STK32A: variants seen among roughly 807,000 people sequenced by gnomAD.
The protein encoded by STK32A is serine/threonine-protein kinase 32A.
STK32A carries 41 observed loss-of-function variants against 53.2 expected under a neutral mutation model. That is an observed-to-expected ratio of 0.77 (90% CI 0.60 to 1.00). The LOEUF (loss-of-function observed/expected upper bound fraction) is 1.00. Ranked by LOEUF, STK32A falls within the 50% of genes least tolerant of loss-of-function variation. STK32A has a pLI of 0.00. For synonymous variants in STK32A, 166 were observed against 162.8 expected, an observed-to-expected ratio of 1.02 and a Z score of -0.15; for missense variants, 458 against 485.8, an observed-to-expected ratio of 0.94 and a Z score of 0.54.
In STK32A at chr5:147,383,993, GTCT is replaced by G; in HGVS notation, c.*18_*20del. 1.9e-6 allele frequency: 3 copies of G among 1,597,476 alleles called. No homozygotes were observed. Among genetic ancestry groups the G allele is most frequent in the Non-Finnish European group, 2.6e-6 (3 of 1,174,972 alleles). ...GAATAACAACTTGTAAAGGCCTCAT[GTCT>G]TCTTCTTGGGACAATCTCATGCCAG... On this transcript the variant is annotated 3_prime_UTR_variant, in exon 13 of 13. Coordinates refer to ENST00000397936, the MANE Select transcript of STK32A (RefSeq NM_001112724.2).
chr5:147,260,506 G>A (rs1031249317), intron 2 of STK32A, among the ~76,000 whole-genome samples: 3 of 152,116 alleles, frequency 2.0e-5, no homozygotes, highest in South Asian at 4.2e-4. Context: ...TGAAATTAGC[G>A]GAAGTTTCAA....
chr5:147,343,902 GA>G (rs1449661493), intron 6 of STK32A, among the ~76,000 whole-genome samples: 1 of 152,212 alleles, frequency 6.6e-6, no homozygotes, highest in Non-Finnish European at 1.5e-5. Flanking sequence ...TCAAGATGGT[GA>G]TAAGTGAATG....
At chr5:147,369,843 C>G (rs1217958849) in intron 8 of STK32A, among the ~76,000 whole-genome samples, 1 of 151,986 alleles carries the variant, frequency 6.6e-6, no homozygotes, top group African/African-American at 2.4e-5. Context: ...GTCTCATGAA[C>G]AAGAATGATA....
chr5:147,269,047 C>T (rs1174807380), intron 2 of STK32A, among the ~76,000 whole-genome samples: 5 of 152,182 alleles, frequency 3.3e-5, no homozygotes, highest in Non-Finnish European at 5.9e-5. Context: ...GACTCTACCA[C>T]TCTGCCACTT....
At chr5:147,329,947 C>T (rs1428735395) in intron 5 of STK32A, among the ~76,000 whole-genome samples, 1 of 152,218 alleles carries the variant, frequency 6.6e-6, no homozygotes. Context: ...TCGTCTTCAG[C>T]AAATTCTCAA....
chr5:147,253,396 G>T (rs761731116), intron 2 of STK32A, among the ~76,000 whole-genome samples: 1 of 152,174 alleles, frequency 6.6e-6, no homozygotes, highest in Non-Finnish European at 1.5e-5. Flanking sequence ...TATTTAGGTA[G>T]GATTAATTTT....
chr5:147,349,834 G>C (rs537076207), intron 6 of STK32A, among the ~76,000 whole-genome samples: 1 of 152,154 alleles, frequency 6.6e-6, no homozygotes, highest in South Asian at 2.1e-4. Context: ...TTGACTGGCC[G>C]GGCGCAGTGG....
intron 7 of STK32A, among the ~76,000 whole-genome samples, chr5:147,354,125 G>T (rs1756114993): frequency 6.6e-6 from 1 of 151,970 alleles, no homozygotes; most frequent in Non-Finnish European, 1.5e-5. Flanking sequence ...TTGAACAACT[G>T]CAAATTTCAT....
intron 4 of STK32A, among the ~76,000 whole-genome samples, chr5:147,285,450 G>T (rs1257297275): frequency 1.3e-5 from 2 of 152,070 alleles, no homozygotes; most frequent in African/African-American, 2.4e-5. Context: ...AAGATAAATT[G>T]CTGGTACCTA....
intron 8 of STK32A, among the ~76,000 whole-genome samples, chr5:147,363,885 A>C (rs1051300243): frequency 6.6e-6 from 1 of 152,178 alleles, no homozygotes; most frequent in Non-Finnish European, 1.5e-5. Context: ...AAGCAGACAG[A>C]AGGAACCAAG....
At chr5:147,260,221 C>G (rs1321939454) in intron 2 of STK32A, among the ~76,000 whole-genome samples, 4 of 110,544 alleles carry the variant, frequency 3.6e-5, no homozygotes, top group Non-Finnish European at 7.8e-5. Flanking sequence ...TCCTCTCTCT[C>G]TCTCTCCTCT....
At chr5:147,348,313 G>C (rs1237324430) in intron 6 of STK32A, among the ~76,000 whole-genome samples, 7 of 152,218 alleles carry the variant, frequency 4.6e-5, no homozygotes, top group Admixed American at 2.0e-4. Context: ...GTACTCACCA[G>C]AGTTGAGATG....
chr5:147,238,129 A>G (rs568254066), intron 1 of STK32A, among the ~76,000 whole-genome samples: 4 of 152,356 alleles, frequency 2.6e-5, no homozygotes, highest in African/African-American at 9.6e-5. Context: ...TTCTTAAGCC[A>G]GATAGCTGAG....
intron 8 of STK32A, among the ~76,000 whole-genome samples, chr5:147,365,711 G>C (rs919435676): frequency 6.6e-6 from 1 of 152,110 alleles, no homozygotes; most frequent in African/African-American, 2.4e-5. Flanking sequence ...CTGGGGTTCA[G>C]AGCAATTGTG....
At chr5:147,338,662 G>C (rs988500748) in intron 5 of STK32A, among the ~76,000 whole-genome samples, 3 of 152,190 alleles carry the variant, frequency 2.0e-5, no homozygotes, top group Non-Finnish European at 4.4e-5. Context: ...GAATGAAAAA[G>C]TCCAGGCTGA....
chr5:147,282,965 C>T (rs1752133755), intron 4 of STK32A, among the ~76,000 whole-genome samples: 2 of 152,124 alleles, frequency 1.3e-5, no homozygotes, highest in South Asian at 2.1e-4. Context: ...ATATACAGAA[C>T]ATTTCATCCA....
intron 8 of STK32A, among the ~76,000 whole-genome samples, chr5:147,368,533 C>T (rs1393153028): frequency 6.6e-6 from 1 of 152,024 alleles, no homozygotes; most frequent in Non-Finnish European, 1.5e-5. Flanking sequence ...ACATAGAAAC[C>T]ATATGTGTCT....
chr5:147,271,745 T>G (rs555064729), intron 2 of STK32A, among the ~76,000 whole-genome samples: 2 of 152,144 alleles, frequency 1.3e-5, no homozygotes, highest in Non-Finnish European at 1.5e-5. Flanking sequence ...CTTATTAGGA[T>G]GAGGAAATTC....
At chr5:147,398,684 C>T in the STK32A span, among the ~76,000 whole-genome samples, 18,391 of 152,200 alleles carry the variant, frequency 0.12, 1,304 homozygotes, top group Non-Finnish European at 0.15. Flanking sequence ...GATCATTGCA[C>T]GCCCTGACTT....
Sources: gnomAD v4.1 joint callset for allele counts (sites outside exome capture counted in the v4.1 genomes callset) on GRCh38, gnomAD v4.1.1 for gene constraint, MANE v1.5 for transcripts, NCBI Gene and HGNC (gene_info 2026-07-23, HGNC 2026-07-21) for gene names.